Variants in BTBD10 observed in about 807,000 individuals in gnomAD.
BTBD10 encodes BTB domain containing 10, also known as BTB/POZ domain-containing protein 10.
A neutral mutation model predicts 53.2 loss-of-function variants in BTBD10; 21 were observed. That is an observed-to-expected ratio of 0.39 (90% CI 0.28 to 0.57). The LOEUF (loss-of-function observed/expected upper bound fraction) is 0.57, where lower values mean the gene tolerates loss of function less well. Among genes scored for constraint, BTBD10 ranks in the 20% least tolerant of loss-of-function variants. BTBD10 has a pLI of 0.53. For missense variants in BTBD10, 360 were observed against 594.7 expected, an observed-to-expected ratio of 0.61 and a Z score of 4.10; for synonymous variants, 149 against 192.7, an observed-to-expected ratio of 0.77 and a Z score of 1.88.
chr11:13,435,042 G>C (rs1950521962), intron 2 of BTBD10, among the ~76,000 whole-genome samples: 1 of 152,212 alleles, frequency 6.6e-6, no homozygotes, highest in South Asian at 2.1e-4. Context: ...TTACACATCT[G>C]TGTATATGTA....
At chr11:13,416,349 G>A (rs1950109990) in intron 5 of BTBD10, among the ~76,000 whole-genome samples, 1 of 151,928 alleles carries the variant, frequency 6.6e-6, no homozygotes, top group Non-Finnish European at 1.5e-5. Flanking sequence ...GTGAGACCCT[G>A]TCTGGGGCAA....
rs141944131 is a variant in BTBD10, at chr11:13,410,005, G to C, written c.808+3525C>G. On this transcript the variant is annotated intron_variant, in intron 6 of 8. Coordinates refer to ENST00000278174, the MANE Select transcript of BTBD10 (RefSeq NM_032320.7). ...TGGACTCTGGGAAGTCGGTGAGGAA[G>C]GCTGGGAGGAAGTGAGGGATAAAAG... is the stretch of plus-strand genomic sequence containing the variant. Among the ~76,000 whole-genome samples the C allele has an allele frequency of 6.5e-3, 991 of 152,274 alleles. 14 individuals are homozygous for C. The highest frequency in any genetic ancestry group is 0.022 in the African/African-American group (921 of 41,562).
intron 2 of BTBD10, among the ~76,000 whole-genome samples, chr11:13,425,396 G>A (rs1458925779): frequency 6.6e-6 from 1 of 151,838 alleles, no homozygotes; most frequent in Non-Finnish European, 1.5e-5. Flanking sequence ...ACACAAATGA[G>A]GTAAAATTTA....
chr11:13,430,458 G>A (rs983417150), intron 2 of BTBD10, among the ~76,000 whole-genome samples: 5 of 152,010 alleles, frequency 3.3e-5, no homozygotes, highest in African/African-American at 7.3e-5. Context: ...AAACTGTTTC[G>A]GAGAAGAGAT....
At chr11:13,450,709 C>T (rs1950840936) in intron 1 of BTBD10, among the ~76,000 whole-genome samples, 3 of 152,182 alleles carry the variant, frequency 2.0e-5, no homozygotes, top group Non-Finnish European at 2.9e-5. Flanking sequence ...TAATGTAGGA[C>T]AAAGAACAGG....
At chr11:13,401,395 C>T (rs1203547606) in intron 8 of BTBD10, among the ~76,000 whole-genome samples, 10 of 152,096 alleles carry the variant, frequency 6.6e-5, no homozygotes, top group Admixed American at 6.6e-4. Flanking sequence ...TACCTAGGAA[C>T]TAGACCACAT....
chr11:13,446,241 G>T (rs1950747735), intron 1 of BTBD10, among the ~76,000 whole-genome samples: 1 of 152,102 alleles, frequency 6.6e-6, no homozygotes, highest in African/African-American at 2.4e-5. Flanking sequence ...TTCCAAGCTG[G>T]ATTTGATGGT....
chr11:13,414,938 C>CATCAAT lies in BTBD10; in HGVS notation c.688-1294_688-1289dup, dbSNP rs535160869. Among the ~76,000 whole-genome samples, 44 of 151,320 alleles carry CATCAAT rather than the reference C, an allele frequency of 2.9e-4. No individual in the cohort carries two copies. In the East Asian group the frequency reaches 7.2e-3, roughly 25 times the overall value. On this transcript the variant is annotated intron_variant, in intron 5 of 8. Coordinates refer to ENST00000278174, the MANE Select transcript of BTBD10 (RefSeq NM_032320.7). ...AGTAACACAATTTCTAAGGTTGCTG[C>CATCAAT]ATCAATGGAAGTGAAACATCTTCTG...
chr11:13,400,060 A>G (rs1949673076), intron 8 of BTBD10, among the ~76,000 whole-genome samples: 1 of 151,702 alleles, frequency 6.6e-6, no homozygotes, highest in Admixed American at 6.6e-5. Flanking sequence ...GAGAACCACT[A>G]CTCTCTTCAA....
At chr11:13,451,418 A>G (rs1044290149) in intron 1 of BTBD10, among the ~76,000 whole-genome samples, 1 of 152,216 alleles carries the variant, frequency 6.6e-6, no homozygotes, top group African/African-American at 2.4e-5. Flanking sequence ...ACCCACAGAG[A>G]GGGTGAATTC....
At chr11:13,404,559 C>T (rs1949777779) in intron 7 of BTBD10, 1 of 936,240 alleles carries the variant, frequency 1.1e-6, no homozygotes, top group Non-Finnish European at 1.3e-6. Flanking sequence ...ATTTAGTATA[C>T]CTCTTTTATT....
chr11:13,390,430 G>A (rs1251035090), intron 8 of BTBD10, among the ~76,000 whole-genome samples: 1 of 151,630 alleles, frequency 6.6e-6, no homozygotes, highest in Non-Finnish European at 1.5e-5. Context: ...TGCAACTTCT[G>A]TCTTCCGGGT....
intron 1 of BTBD10, among the ~76,000 whole-genome samples, chr11:13,461,449 T>C (rs1360335105): frequency 2.0e-5 from 3 of 152,186 alleles, no homozygotes; most frequent in Admixed American, 1.3e-4. Context: ...ATTATCTAAC[T>C]AGTACCCGAA....
At chr11:13,427,480 A>C (rs72857022) in intron 2 of BTBD10, among the ~76,000 whole-genome samples, 3 of 152,082 alleles carry the variant, frequency 2.0e-5, no homozygotes, top group African/African-American at 4.8e-5. Context: ...AAATACAGGA[A>C]GCAAAAACTG....
chr11:13,420,370 T>C (rs12282416), intron 3 of BTBD10, among the ~76,000 whole-genome samples: 62,262 of 151,890 alleles, frequency 0.41, 15,250 homozygotes, highest in Middle Eastern at 0.57. Flanking sequence ...TAGTAGCTTA[T>C]AATATATTGT....
chr11:13,447,096 A>G (rs1448735960), intron 1 of BTBD10, among the ~76,000 whole-genome samples: 2 of 152,124 alleles, frequency 1.3e-5, no homozygotes, highest in African/African-American at 4.8e-5. Flanking sequence ...AGTATAAACT[A>G]TTTCAGGGAT....
rs1257682915 is a variant in BTBD10, at chr11:13,413,523, T to C, written c.808+7A>G. On this transcript the variant is annotated splice_region_variant and intron_variant, in intron 6 of 8. Coordinates refer to ENST00000278174, the MANE Select transcript of BTBD10 (RefSeq NM_032320.7). ...CAAACCACTTACACACAAAACATCA[T>C]ACTTACTGAGATCTCTACATTTAAT... The C allele has an allele frequency of 2.5e-6, 4 of 1,600,832 alleles. No homozygotes were observed. The highest frequency in any genetic ancestry group is 1.3e-5 in the African/African-American group (1 of 74,530).
intron 1 of BTBD10, among the ~76,000 whole-genome samples, chr11:13,453,525 T>C (rs752694310): frequency 3.9e-5 from 6 of 152,222 alleles, no homozygotes; most frequent in African/African-American, 1.2e-4. Context: ...TTGGAGGTGA[T>C]AGTGCTATAG....
intron 1 of BTBD10, among the ~76,000 whole-genome samples, chr11:13,446,370 T>C (rs1030440882): frequency 1.3e-5 from 2 of 152,152 alleles, no homozygotes; most frequent in African/African-American, 4.8e-5. Context: ...ATGCCAAAGA[T>C]AAACTCATTA....
Sources: gnomAD v4.1 joint callset for allele counts (sites outside exome capture counted in the v4.1 genomes callset) on GRCh38, gnomAD v4.1.1 for gene constraint, MANE v1.5 for transcripts, NCBI Gene and HGNC (gene_info 2026-07-23, HGNC 2026-07-21) for gene names.